The following MCM5 variants were observed in gnomAD, a reference collection of about 807,000 sequenced individuals.
MCM5 encodes minichromosome maintenance complex component 5.
A neutral mutation model predicts 79.9 loss-of-function variants in MCM5; 46 were observed. The ratio of observed to expected loss-of-function variants is 0.58; its 90% confidence interval spans 0.45 to 0.74. MCM5 has a LOEUF of 0.74. Among genes scored for constraint, MCM5 ranks in the 30% least tolerant of loss-of-function variants. MCM5 has a pLI of 0.00. For synonymous variants in MCM5, 404 were observed against 390.5 expected (o/e 1.03, Z -0.41); for missense variants, 883 against 1,017.0 (o/e 0.87, Z 1.79).
the MCM5 span, among the ~76,000 whole-genome samples, chr22:35,431,071 C>T: frequency 6.6e-6 from 1 of 152,190 alleles, no homozygotes; most frequent in African/African-American, 2.4e-5. Context: ...GCTCTCCAGG[C>T]GCTCCCAGGG....
At position 35,400,510 on chromosome 22, in the gene MCM5, G is replaced by A. The variant is rs1012911132; in HGVS notation, c.72G>A (p.Gly24=). The A allele has an allele frequency of 3.7e-6, 6 of 1,614,106 alleles. No individual in the cohort carries two copies. In the Middle Eastern group the frequency reaches 5.0e-4, roughly 133 times the overall value. Residue 24 remains glycine (G), a synonymous_variant, in exon 2 of 17, where the codon GGG becomes GGA. Coordinates refer to ENST00000216122, the MANE Select transcript of MCM5 (RefSeq NM_006739.4). The part of the protein sequence containing the change: ...SFGGDAQADE[G]QARKSQLQRR... ...GGGGCGACGCCCAGGCCGACGAGGGGCAGGCCCGCAAATCGCAGCTGCAGA... is the reference window on the plus strand; with the variant it reads ...GGGGCGACGCCCAGGCCGACGAGGGACAGGCCCGCAAATCGCAGCTGCAGA...
At chr22:35,446,407 T>G in the MCM5 span, among the ~76,000 whole-genome samples, 6 of 152,152 alleles carry the variant, frequency 3.9e-5, no homozygotes, top group Admixed American at 3.3e-4. Context: ...CTCTCCTGAC[T>G]CTAGCACTGT....
chr22:35,436,008 A>T, the MCM5 span, among the ~76,000 whole-genome samples: 10 of 151,676 alleles, frequency 6.6e-5, no homozygotes, highest in Admixed American at 2.6e-4. Flanking sequence ...CTCTACTAAC[A>T]ATACAAAAAT....
chr22:35,411,943 T>G (rs1932394239), intron 7 of MCM5, among the ~76,000 whole-genome samples: 1 of 152,162 alleles, frequency 6.6e-6, no homozygotes, highest in Non-Finnish European at 1.5e-5. Context: ...CTTCACCCTT[T>G]CAGTTGCTCA....
the MCM5 span, among the ~76,000 whole-genome samples, chr22:35,441,715 C>T: frequency 1.3e-5 from 2 of 152,040 alleles, no homozygotes; most frequent in Admixed American, 6.6e-5. Flanking sequence ...TCAGGGAAGG[C>T]TCCCTGGAAG....
At chr22:35,421,939 C>T (rs1272221157) in intron 15 of MCM5, 2 of 271,048 alleles carry the variant, frequency 7.4e-6, no homozygotes, top group African/African-American at 4.4e-5. Flanking sequence ...TGCAAGTCTC[C>T]TGGCCCCTAG....
intron 2 of MCM5, among the ~76,000 whole-genome samples, chr22:35,402,836 A>G (rs898622423): frequency 2.0e-5 from 3 of 152,144 alleles, no homozygotes; most frequent in Non-Finnish European, 4.4e-5. Flanking sequence ...GAGCCACCTC[A>G]CTGGGCCCCA....
At chr22:35,427,675 C>G (rs1467410150), downstream of MCM5, among the ~76,000 whole-genome samples, 1 of 151,936 alleles carries the variant, frequency 6.6e-6, no homozygotes, top group Non-Finnish European at 1.5e-5. Context: ...TTAGGTATTT[C>G]TTCTAATGTT....
At position 35,410,921 on chromosome 22, in the gene MCM5, T is replaced by C. The variant is rs377231184; in HGVS notation, c.919+11T>C. The C allele has an allele frequency of 3.9e-5, 62 of 1,582,746 alleles. No individual in the cohort carries two copies. The Middle Eastern group carries it at 6.8e-4, about 17-fold the overall frequency. On this transcript the variant is annotated intron_variant, in intron 7 of 16. Coordinates refer to ENST00000216122, the MANE Select transcript of MCM5 (RefSeq NM_006739.4). Reference sequence around the variant, plus strand: ...ACACAGATGGCTCTGGTGAGTTGGCTTTGGGGTCCTGGCTTAGCCCTGCTA... The same window carrying C: ...ACACAGATGGCTCTGGTGAGTTGGCCTTGGGGTCCTGGCTTAGCCCTGCTA...
rs12170872 is a variant in MCM5 at position 35,403,494 on chromosome 22, G to T, written c.375G>T (p.Gln125His). Residue 125 changes from glutamine (Q) to histidine (H), a missense_variant, in exon 4 of 17, where the codon CAG (glutamine) becomes CAT (histidine). By Grantham distance (24) the Gln-to-His change is conservative. Around this residue, in one of 3 missense-constraint regions of MCM5, gnomAD observed 455 missense variants for 517.5 expected, o/e 0.88. Coordinates refer to ENST00000216122, the MANE Select transcript of MCM5 (RefSeq NM_006739.4). The part of the protein sequence containing the change: ...PSGEEVLQDI[Q>H]VMLKSDASPS... ...GGGAGGAGGTGCTCCAGGACATCCA[G>T]GTCATGCTCAAGTCGGACGCCAGCC... 2.5e-6 allele frequency: 4 copies of T among 1,614,052 alleles called. No individual in the cohort carries two copies. The highest frequency in any genetic ancestry group is 3.4e-6 in the Non-Finnish European group (4 of 1,180,048).
chr22:35,405,950 G>C (rs927869935), intron 4 of MCM5, among the ~76,000 whole-genome samples: 1 of 151,656 alleles, frequency 6.6e-6, no homozygotes, highest in Non-Finnish European at 1.5e-5. Context: ...GGCGGAGGTT[G>C]CAGTAAGCCG....
chr22:35,447,675 C>T, the MCM5 span, among the ~76,000 whole-genome samples: 4 of 152,082 alleles, frequency 2.6e-5, no homozygotes, highest in Admixed American at 6.5e-5. Context: ...CCATGTTGGC[C>T]GGGCTGGTCT....
chr22:35,432,561 G>T, the MCM5 span, among the ~76,000 whole-genome samples: 1 of 152,212 alleles, frequency 6.6e-6, no homozygotes, highest in African/African-American at 2.4e-5. Context: ...CAACTTCCTT[G>T]GGGAGGAAAG....
At position 35,423,216 on chromosome 22, in the gene MCM5, G is replaced by T. The variant is rs546146611; in HGVS notation, c.1978G>T (p.Val660Leu). The change falls in exon 16 of 17, where the codon GTG (valine) becomes TTG (leucine). Residue 660 changes from valine (V) to leucine (L), a missense_variant and splice_region_variant. This residue lies in a region of MCM5 where 426 missense variants were observed against 482.3 expected (regional missense o/e 0.88). Coordinates refer to ENST00000216122, the MANE Select transcript of MCM5 (RefSeq NM_006739.4). The part of the protein sequence containing the change: ...DAALSGTLSG[V>L]EGFTSQEDQE... Reference sequence around the variant, plus strand: ...GCCTCACTTCTCCATGCCCACAGGGGTGGAGGGCTTCACCAGCCAGGAGGA... The same window carrying T: ...GCCTCACTTCTCCATGCCCACAGGGTTGGAGGGCTTCACCAGCCAGGAGGA... 3.2e-6 allele frequency: 5 copies of T among 1,581,580 alleles called. No homozygotes were observed. The African/African-American group carries it at 4.0e-5, about 13-fold the overall frequency.
chr22:35,414,188 G>A (rs997905222), intron 9 of MCM5, among the ~76,000 whole-genome samples: 2 of 152,170 alleles, frequency 1.3e-5, no homozygotes, highest in Non-Finnish European at 2.9e-5. Flanking sequence ...GGCAGGGGGC[G>A]AGTACACTGT....
chr22:35,407,104 T>G (rs1932241295), intron 5 of MCM5, among the ~76,000 whole-genome samples: 1 of 151,852 alleles, frequency 6.6e-6, no homozygotes, highest in African/African-American at 2.4e-5. Context: ...ATTTAAGTAT[T>G]GCCCACAGCT....
At chr22:35,438,321 G>GTCCGTCTA in the MCM5 span, among the ~76,000 whole-genome samples, 3 of 23,238 alleles carry the variant, frequency 1.3e-4, no homozygotes, top group South Asian at 9.6e-4. Context: ...CCGTTCATCC[G>GTCCGTCTA]TCCATCTATC....
intron 8 of MCM5, 103 bp downstream of exon 8, chr22:35,412,784 C>T (rs1230182149): frequency 1.6e-5 from 17 of 1,047,234 alleles, no homozygotes; most frequent in Non-Finnish European, 2.1e-5. Flanking sequence ...TTTTGTATTT[C>T]CTGGGCCCCT....
the MCM5 span, among the ~76,000 whole-genome samples, chr22:35,444,589 C>G: frequency 6.6e-6 from 1 of 152,016 alleles, no homozygotes; most frequent in African/African-American, 2.4e-5. Context: ...CCTGTGGGGT[C>G]TGTGTGCGTG....
Sources: allele counts gnomAD v4.1 joint callset (sites outside exome capture counted in the v4.1 genomes callset), GRCh38; gene constraint gnomAD v4.1.1; regional missense constraint gnomAD v4.1.1; transcripts MANE v1.5; gene names NCBI Gene and HGNC (gene_info 2026-07-23, HGNC 2026-07-21).